SEL1L: variants seen among roughly 807,000 people sequenced by gnomAD.
SEL1L encodes SEL1L adaptor subunit of SYVN1 ubiquitin ligase.
SEL1L carries 52 observed loss-of-function variants against 109.8 expected under a neutral mutation model. That is an observed-to-expected ratio of 0.47 (90% confidence interval 0.38 to 0.60). The LOEUF (loss-of-function observed/expected upper bound fraction) is 0.60. Among genes scored for constraint, SEL1L ranks in the 20% least tolerant of loss-of-function variants. The pLI, the probability that SEL1L is intolerant of heterozygous loss-of-function variation, is 0.00. For missense variants in SEL1L, 749 were observed against 962.2 expected (o/e 0.78, Z 2.93); for synonymous variants, 373 against 339.6 (o/e 1.10, Z -1.08).
At chr14:81,502,169 T>C (rs1277171403) in intron 6 of SEL1L, among the ~76,000 whole-genome samples, 1 of 152,146 alleles carries the variant, frequency 6.6e-6, no homozygotes, top group Non-Finnish European at 1.5e-5. Flanking sequence ...TAGACAGTGA[T>C]ATCTCATTTT....
At chr14:81,530,354 A>C (rs1459158212) in intron 1 of SEL1L, among the ~76,000 whole-genome samples, 1 of 152,234 alleles carries the variant, frequency 6.6e-6, no homozygotes, top group Non-Finnish European at 1.5e-5. Context: ...CACATGGTTC[A>C]GTAACAAAAG....
chr14:81,504,361 AC>A, intron 4 of SEL1L, 55 bp from the exon 5 acceptor site: 1 of 1,267,876 alleles, frequency 7.9e-7, no homozygotes, highest in Non-Finnish European at 1.1e-6. Flanking sequence ...TCAATTATCA[AC>A]CATTAGTATT....
At chr14:81,510,193 G>C (rs1884404795) in intron 3 of SEL1L, among the ~76,000 whole-genome samples, 1 of 152,196 alleles carries the variant, frequency 6.6e-6, no homozygotes, top group Admixed American at 6.5e-5. Flanking sequence ...TCAGCAATTA[G>C]AATGTGACTA....
intron 3 of SEL1L, among the ~76,000 whole-genome samples, chr14:81,524,799 G>A (rs986596520): frequency 4.6e-4 from 70 of 152,218 alleles, no homozygotes; most frequent in African/African-American, 1.6e-3. Flanking sequence ...TCTTGAACCC[G>A]GGAGGTGGAG....
intron 19 of SEL1L, 32 bp from the exon 20 acceptor site, chr14:81,479,772 T>C (rs201731778): frequency 1.2e-5 from 18 of 1,552,988 alleles, no homozygotes; most frequent in Non-Finnish European, 4.4e-6. Context: ...AAAATGCATT[T>C]CTTGTCAAAA....
intron 3 of SEL1L, among the ~76,000 whole-genome samples, chr14:81,516,244 C>T (rs1481295233): frequency 1.3e-5 from 2 of 152,138 alleles, no homozygotes; most frequent in Admixed American, 1.3e-4. Context: ...CATTGAGGGC[C>T]AGGAAATTGA....
chr14:81,505,716 T>C (rs554662865), intron 4 of SEL1L, among the ~76,000 whole-genome samples: 23 of 152,354 alleles, frequency 1.5e-4, no homozygotes, highest in Non-Finnish European at 2.5e-4. Context: ...TTTAAAAAGT[T>C]ATTTATTTTT....
chr14:81,507,650 TCA>T (rs1884293340), intron 3 of SEL1L, among the ~76,000 whole-genome samples: 1 of 123,352 alleles, frequency 8.1e-6, no homozygotes, highest in Admixed American at 9.2e-5. Flanking sequence ...TAAACATGTT[TCA>T]GTTACAGCTA....
intron 1 of SEL1L, among the ~76,000 whole-genome samples, chr14:81,530,645 T>G (rs1885285600): frequency 6.6e-6 from 1 of 152,234 alleles, no homozygotes; most frequent in African/African-American, 2.4e-5. Context: ...ACCTTTTCAC[T>G]ATTATCCTGA....
In SEL1L at chr14:81,472,963, T is replaced by C. The variant is rs953209507; in HGVS notation, c.*4009A>G. The C allele has an allele frequency of 6.0e-6, 1 of 166,884 alleles. No individual in the cohort carries two copies. The highest frequency in any genetic ancestry group is 1.3e-5 in the Non-Finnish European group (1 of 76,628). The allele number at this position is 166,884 out of a possible 1,614,324, so 10.3% of individuals were successfully genotyped here. A position where few individuals can be genotyped will look rare whatever the true frequency, so the allele number is the denominator to read the frequency against. ...TTATTTCACAAGTTTCAAGATACAG[T>C]ACAAAACGATTCTGTACATCTCTCT... On this transcript the variant is annotated 3_prime_UTR_variant, in exon 21 of 21. Transcript: ENST00000336735.
intron 16 of SEL1L, 107 bp downstream of exon 16, chr14:81,487,283 G>C: frequency 9.1e-7 from 1 of 1,093,448 alleles, no homozygotes; most frequent in Non-Finnish European, 1.3e-6. Flanking sequence ...GGTAGGCTGA[G>C]TCTAGAACTA....
In SEL1L at chr14:81,492,564, T is replaced by G. The variant is rs368912593; in HGVS notation, c.1186-16A>C. On this transcript the variant is annotated splice_polypyrimidine_tract_variant and intron_variant, in intron 11 of 20. Transcript: ENST00000336735. ...CAAATGCTCTCTATGAGAAAAGAAT[T>G]TATTAAAATAATTAGTTTTTAACAG... The G allele has an allele frequency of 2.3e-5, 36 of 1,541,670 alleles. No individual in the cohort carries two copies. Among genetic ancestry groups the G allele is most frequent in the Non-Finnish European group, 2.9e-5 (33 of 1,129,814 alleles).
chr14:81,508,038 G>A (rs936565393), intron 3 of SEL1L, among the ~76,000 whole-genome samples: 3 of 152,144 alleles, frequency 2.0e-5, no homozygotes, highest in African/African-American at 7.2e-5. Flanking sequence ...TACATGTAAA[G>A]GACTCATTAT....
intron 2 of SEL1L, among the ~76,000 whole-genome samples, chr14:81,527,437 T>G (rs1371541414): frequency 1.4e-5 from 1 of 70,324 alleles, no homozygotes; most frequent in African/African-American, 5.6e-5. Flanking sequence ...ATCTTCAAAC[T>G]TACACACACA....
rs1903021187 is a variant in SEL1L at position 81,471,772 on chromosome 14, T to C, written c.*5200A>G. On this transcript the variant is annotated 3_prime_UTR_variant, in exon 21 of 21. Coordinates refer to ENST00000336735, the MANE Select transcript of SEL1L (RefSeq NM_005065.6). ...AAATATAATACTACCAATAAACTAC[T>C]AGCATAGTGAATTTTCAGGATCTAA... The C allele has an allele frequency of 6.6e-6, 1 of 152,206 alleles. No individual in the cohort carries two copies. Among genetic ancestry groups the C allele is most frequent in the Non-Finnish European group, 1.5e-5 (1 of 68,044 alleles). 9.4% of individuals were successfully genotyped at this position (152,206 alleles called of 1,614,324 possible). A position where few individuals can be genotyped will look rare whatever the true frequency, so the allele number is the denominator to read the frequency against.
intron 11 of SEL1L, 82 bp from the exon 12 acceptor site, chr14:81,492,630 A>T (rs1442354251): frequency 2.1e-6 from 2 of 949,736 alleles, no homozygotes; most frequent in Non-Finnish European, 3.2e-6. Flanking sequence ...TATTTCAGGA[A>T]CATTTAAAAA....
chr14:81,503,281 C>G (rs1884091968), intron 5 of SEL1L, among the ~76,000 whole-genome samples: 1 of 152,176 alleles, frequency 6.6e-6, no homozygotes, highest in Non-Finnish European at 1.5e-5. Flanking sequence ...CTAGCCACCC[C>G]CTCTGATAAT....
chr14:81,524,696 AC>A (rs1259222117), intron 3 of SEL1L, among the ~76,000 whole-genome samples: 1 of 152,130 alleles, frequency 6.6e-6, no homozygotes, highest in South Asian at 2.1e-4. Flanking sequence ...ACATGGTGAA[AC>A]CCCAACTCTA....
rs1595495965 is a variant in SEL1L at position 81,471,771 on chromosome 14, C to T, written c.*5201G>A. On this transcript the variant is annotated 3_prime_UTR_variant, in exon 21 of 21. Transcript: ENST00000336735. The stretch of plus-strand genomic sequence containing the variant: ...AAAATATAATACTACCAATAAACTA[C>T]TAGCATAGTGAATTTTCAGGATCTA... The T allele has an allele frequency of 6.6e-6, 1 of 152,170 alleles. No homozygotes were observed. Among genetic ancestry groups the T allele is most frequent in the African/African-American group, 2.4e-5 (1 of 41,426 alleles). 9.4% of individuals were successfully genotyped at this position (152,170 alleles called of 1,614,324 possible). A position where few individuals can be genotyped will look rare whatever the true frequency, so the allele number is the denominator to read the frequency against.
Sources: gnomAD v4.1 joint callset for allele counts (sites outside exome capture counted in the v4.1 genomes callset) on GRCh38, gnomAD v4.1.1 for gene constraint, MANE v1.5 for transcripts, NCBI Gene and HGNC (gene_info 2026-07-23, HGNC 2026-07-21) for gene names.